EFCAB8: variants seen among roughly 807,000 people sequenced by gnomAD.
EFCAB8 encodes the protein EF-hand calcium-binding domain-containing protein 8.
A neutral mutation model predicts 116.3 loss-of-function variants in EFCAB8; 100 were observed. The observed-to-expected ratio is 0.86, with a 90% CI of 0.73 to 1.02. The LOEUF (loss-of-function observed/expected upper bound fraction) is 1.02, where lower values mean the gene tolerates loss of function less well. EFCAB8 is among the 50% of genes least tolerant of loss of function. The pLI, the probability that EFCAB8 is intolerant of heterozygous loss-of-function variation, is 0.00. For missense variants in EFCAB8, 1,320 were observed against 1,416.9 expected, an observed-to-expected ratio of 0.93 and a Z score of 1.10; for synonymous variants, 558 against 567.9, an observed-to-expected ratio of 0.98 and a Z score of 0.25.
At chr20:32,941,958 T>C (rs2146289950) in intron 22 of EFCAB8, among the ~76,000 whole-genome samples, 1 of 152,362 alleles carries the variant, frequency 6.6e-6, no homozygotes, top group East Asian at 1.9e-4. Context: ...TGTTTATTTG[T>C]ACATCTAGTA....
At chr20:32,940,726 GATAA>G (rs1403982331) in intron 22 of EFCAB8, among the ~76,000 whole-genome samples, 1 of 149,844 alleles carries the variant, frequency 6.7e-6, no homozygotes, top group Non-Finnish European at 1.5e-5. Flanking sequence ...TGATAAAAAT[GATAA>G]ATAACCAAAT....
chr20:32,887,602 C>T (rs1277706430), intron 6 of EFCAB8, among the ~76,000 whole-genome samples: 1 of 152,186 alleles, frequency 6.6e-6, no homozygotes. Context: ...ATACAGATTC[C>T]TTAGGTGGCC....
intron 23 of EFCAB8, among the ~76,000 whole-genome samples, chr20:32,957,012 G>A (rs1988987399): frequency 6.9e-6 from 1 of 144,718 alleles, no homozygotes; most frequent in Non-Finnish European, 1.5e-5. Context: ...CTGCCTTCCA[G>A]TTCACGAATC....
At chr20:32,938,476 T>G (rs1988207506) in intron 22 of EFCAB8, among the ~76,000 whole-genome samples, 2 of 149,882 alleles carry the variant, frequency 1.3e-5, no homozygotes, top group African/African-American at 5.0e-5. Flanking sequence ...AAATAAAAAG[T>G]ATCTATATTG....
Position 32,878,740 on chromosome 20 carries a change from G to A in EFCAB8, c.364G>A (p.Gly122Arg), listed in dbSNP as rs565528884. Residue 122 changes from glycine (G) to arginine (R), a missense_variant, in exon 5 of 27, where the codon GGA becomes AGA. Coordinates refer to ENST00000400522, the MANE Select transcript of EFCAB8 (RefSeq NM_001143967.2). ...YVDYMMREFQ[G>R]KEDMRKSQYR... ...GGATTACATGATGCGTGAGTTCCAG[G>A]GAAAAGAGGACATGCGAAAGAGCCA... 2.0e-5 allele frequency: 31 copies of A among 1,551,970 alleles called. No homozygotes were observed. In the South Asian group the frequency reaches 2.5e-4, roughly 13 times the overall value.
chr20:32,906,952 T>C lies in EFCAB8; in HGVS notation c.1266T>C (p.Asp422=), dbSNP rs1471397950. ...HQTSVTHILV[D]SRNNSILISV... Reference sequence around the variant, plus strand: ...CCTCAGTGACGCACATCCTTGTGGATAGCAGGAACAACAGCATCCTCATCA... The same window carrying C: ...CCTCAGTGACGCACATCCTTGTGGACAGCAGGAACAACAGCATCCTCATCA... Residue 422 remains aspartate, a synonymous_variant, in exon 13 of 27, where the codon GAT becomes GAC. Transcript: ENST00000400522. 1 of 1,543,206 alleles carries C rather than the reference T, an allele frequency of 6.5e-7. No homozygotes were observed. The highest frequency in any genetic ancestry group is 8.8e-7 in the Non-Finnish European group (1 of 1,142,466).
intron 20 of EFCAB8, among the ~76,000 whole-genome samples, chr20:32,923,865 A>G (rs1216581283): frequency 2.0e-5 from 3 of 152,116 alleles, no homozygotes; most frequent in East Asian, 3.9e-4. Context: ...TTTTGCCTCT[A>G]TAGAAAGCAT....
rs546921274 is a variant in EFCAB8, at chr20:32,930,475, C to T, written c.2490C>T (p.Tyr830=). ...GCAGCTGCATGGACGGCTACATCTA[C>T]GCCTGGTCCCTCCATGAGAATGGAG... ...LLSSCMDGYI[Y]AWSLHENGGL... The change falls in exon 21 of 27, where the codon TAC becomes TAT. Residue 830 remains tyrosine (Y), a synonymous_variant. Coordinates refer to ENST00000400522, the MANE Select transcript of EFCAB8 (RefSeq NM_001143967.2). 33 of 1,551,932 alleles carry T rather than the reference C, an allele frequency of 2.1e-5. No homozygotes were observed. The South Asian group carries it at 2.4e-4, about 11-fold the overall frequency.
At chr20:32,911,442 G>A (rs368326053) in intron 15 of EFCAB8, 38 bp from the exon 16 acceptor site, 57 of 1,439,112 alleles carry the variant, frequency 4.0e-5, no homozygotes, top group African/African-American at 3.2e-4. Context: ...TGGAGGCCCC[G>A]GCCTCTCCAG....
chr20:32,871,757 G>A (rs1224133425), intron 3 of EFCAB8, among the ~76,000 whole-genome samples: 2 of 152,166 alleles, frequency 1.3e-5, no homozygotes, highest in African/African-American at 4.8e-5. Flanking sequence ...CTGTCACTGC[G>A]TGCCTTGGAG....
intron 2 of EFCAB8, among the ~76,000 whole-genome samples, chr20:32,864,278 G>A (rs1183006605): frequency 9.4e-5 from 14 of 149,686 alleles, no homozygotes; most frequent in Non-Finnish European, 1.9e-4. Flanking sequence ...CCTGACCTAA[G>A]TGTACTTTTA....
At chr20:32,918,668 CTTTTTCCAAAGTGCCTT>C (rs1373590118) in intron 19 of EFCAB8, 94 bp downstream of exon 19, 1 of 1,313,784 alleles carries the variant, frequency 7.6e-7, no homozygotes, top group Non-Finnish European at 1.1e-6. Flanking sequence ...TTGGGATGTA[CTTTTTCCAAAGTGCCTT>C]TAGGTCCCTC....
At chr20:32,879,302 G>T (rs975880053) in intron 5 of EFCAB8, among the ~76,000 whole-genome samples, 23 of 152,314 alleles carry the variant, frequency 1.5e-4, no homozygotes, top group Non-Finnish European at 2.8e-4. Flanking sequence ...CAGAGTGGCT[G>T]GCCCCGGGAG....
Position 32,951,739 on chromosome 20 carries a change from A to T in EFCAB8, c.2960-6682A>T, listed in dbSNP as rs145404919. On this transcript the variant is annotated intron_variant, in intron 23 of 26. Coordinates refer to ENST00000400522, the MANE Select transcript of EFCAB8 (RefSeq NM_001143967.2). ...CTGTGATTTTAATTTGCATTCCTCT[A>T]GTGACTAATGATGTTGAAATATTTT... 3.3e-3 allele frequency among the ~76,000 whole-genome samples: 497 copies of T among 152,300 alleles called. 1 individual carries two copies. Among genetic ancestry groups the T allele is most frequent in the African/African-American group, 0.012 (481 of 41,566 alleles).
At chr20:32,939,611 C>G (rs1366654424) in intron 22 of EFCAB8, among the ~76,000 whole-genome samples, 1 of 145,326 alleles carries the variant, frequency 6.9e-6, no homozygotes, top group Non-Finnish European at 1.5e-5. Flanking sequence ...CCTTCCTTCC[C>G]TCCTTTTCTC....
chr20:32,900,944 C>T (rs1156667851), intron 11 of EFCAB8, among the ~76,000 whole-genome samples: 2 of 152,166 alleles, frequency 1.3e-5, no homozygotes, highest in Non-Finnish European at 2.9e-5. Flanking sequence ...CCTCGTGATC[C>T]GCCCACCTCG....
rs1228427871 is a variant in EFCAB8 at position 32,908,281 on chromosome 20, C to T, written c.1315C>T (p.Arg439Cys). ...CCTTTTTCCCATCCCCCAGAATATT[C>T]GCGTGTGGGACATGCTGGACTACAT... is the stretch of plus-strand genomic sequence containing the variant. Reference protein sequence around the residue: ...LISVSKDKNIRVWDMLDYICL... With the variant: ...LISVSKDKNICVWDMLDYICL... Residue 439 changes from arginine to cysteine, a missense_variant, in exon 14 of 27, where the codon CGC (arginine) becomes TGC (cysteine). Physicochemically the swap from Arg to Cys is radical, Grantham distance 180 (BLOSUM62 -3). Transcript: ENST00000400522. 2.1e-5 allele frequency: 26 copies of T among 1,249,762 alleles called. No homozygotes were observed. The highest frequency in any genetic ancestry group is 2.3e-5 in the Non-Finnish European group (23 of 988,254). The allele number at this position is 1,249,762 out of a possible 1,614,324, so 77.4% of individuals were successfully genotyped here. A position where few individuals can be genotyped will look rare whatever the true frequency, so the allele number is the denominator to read the frequency against.
intron 20 of EFCAB8, among the ~76,000 whole-genome samples, chr20:32,928,959 C>CT (rs1158518762): frequency 6.8e-6 from 1 of 146,614 alleles, no homozygotes; most frequent in South Asian, 2.1e-4. Context: ...GGGTTTTTTT[C>CT]TTTTTTTGTG....
intron 20 of EFCAB8, among the ~76,000 whole-genome samples, chr20:32,920,419 G>A (rs543000811): frequency 5.9e-5 from 9 of 152,220 alleles, no homozygotes; most frequent in East Asian, 1.9e-4. Context: ...GTATTAATTC[G>A]TTTTCATGCA....
Sources: gnomAD v4.1 joint callset for allele counts (sites outside exome capture counted in the v4.1 genomes callset) on GRCh38, gnomAD v4.1.1 for gene constraint, MANE v1.5 for transcripts, NCBI Gene and HGNC (gene_info 2026-07-23, HGNC 2026-07-21) for gene names.